Variants in FUT8 observed in about 807,000 individuals in gnomAD.
FUT8 encodes the protein alpha-(1,6)-fucosyltransferase.
A neutral mutation model predicts 71.3 loss-of-function variants in FUT8; 29 were observed. That is an observed-to-expected ratio of 0.41 (90% CI 0.30 to 0.55). The LOEUF is 0.55. Among genes scored for constraint, FUT8 ranks in the 20% least tolerant of loss-of-function variants. FUT8 has a pLI of 0.34. For missense variants in FUT8, 544 were observed against 702.1 expected, an observed-to-expected ratio of 0.77 and a Z score of 2.55; for synonymous variants, 254 against 239.3, an observed-to-expected ratio of 1.06 and a Z score of -0.57.
chr14:65,716,352 C>T (rs1407233536), intron 7 of FUT8, among the ~76,000 whole-genome samples: 4 of 146,296 alleles, frequency 2.7e-5, no homozygotes, highest in African/African-American at 5.0e-5. Flanking sequence ...GAATTGATCC[C>T]TTTATCATTA....
chr14:65,594,702 G>A (rs189120383), intron 3 of FUT8, among the ~76,000 whole-genome samples: 13 of 152,212 alleles, frequency 8.5e-5, no homozygotes, highest in Non-Finnish European at 1.6e-4. Flanking sequence ...AGAGGGGAGC[G>A]AGAAAGGGAG....
chr14:65,387,657 G>A, the FUT8 span, among the ~76,000 whole-genome samples: 30 of 152,298 alleles, frequency 2.0e-4, no homozygotes, highest in Non-Finnish European at 4.1e-4. Flanking sequence ...ATATCTGCCA[G>A]GCTTTGTTGG....
chr14:65,445,871 C>T (rs1294952755), intron 1 of FUT8, among the ~76,000 whole-genome samples: 2 of 152,168 alleles, frequency 1.3e-5, no homozygotes, highest in African/African-American at 2.4e-5. Flanking sequence ...CAGGTGATCC[C>T]CCTGCCTTGG....
chr14:65,564,955 A>C (rs1253986553), intron 3 of FUT8, among the ~76,000 whole-genome samples: 1 of 152,008 alleles, frequency 6.6e-6, no homozygotes, highest in Non-Finnish European at 1.5e-5. Context: ...TTGCTATCAC[A>C]GAATACCTGA....
intron 10 of FUT8, among the ~76,000 whole-genome samples, chr14:65,741,067 T>C (rs1375468010): frequency 6.6e-6 from 1 of 151,974 alleles, no homozygotes; most frequent in East Asian, 1.9e-4. Flanking sequence ...TCATCTGAGT[T>C]GCATTGTTCT....
chr14:65,387,709 A>G, the FUT8 span, among the ~76,000 whole-genome samples: 6 of 152,212 alleles, frequency 3.9e-5, no homozygotes, highest in Non-Finnish European at 8.8e-5. Context: ...CTTTCCAGGC[A>G]GTGAGCTGGG....
the FUT8 span, among the ~76,000 whole-genome samples, chr14:65,383,301 G>C: frequency 3.4e-3 from 293 of 87,452 alleles, 2 homozygotes; most frequent in African/African-American, 0.012. Flanking sequence ...TTGAAACAAA[G>C]TCTTGCTCTG....
chr14:65,431,299 C>CTT (rs138985726), intron 1 of FUT8, among the ~76,000 whole-genome samples: 4 of 98,828 alleles, frequency 4.0e-5, no homozygotes, highest in Non-Finnish European at 5.9e-5. Context: ...CTGCGCCGGC[C>CTT]TTTTTTTTTT....
intron 2 of FUT8, among the ~76,000 whole-genome samples, chr14:65,479,422 G>A (rs1023581782): frequency 6.6e-6 from 1 of 152,116 alleles, no homozygotes; most frequent in Non-Finnish European, 1.5e-5. Context: ...CTAACACTGG[G>A]TATTCTTGAG....
intron 1 of FUT8, among the ~76,000 whole-genome samples, chr14:65,427,070 G>A (rs2065400565): frequency 6.6e-6 from 1 of 152,072 alleles, no homozygotes; most frequent in Non-Finnish European, 1.5e-5. Flanking sequence ...CACCATGTTA[G>A]CCAGGATGAT....
chr14:65,722,912 C>T (rs1038791408), intron 8 of FUT8, among the ~76,000 whole-genome samples: 3 of 152,066 alleles, frequency 2.0e-5, no homozygotes, highest in African/African-American at 4.8e-5. Flanking sequence ...ATAAGTCTAC[C>T]TTTTTCTACA....
At chr14:65,392,131 A>G in the FUT8 span, among the ~76,000 whole-genome samples, 7 of 140,546 alleles carry the variant, frequency 5.0e-5, no homozygotes, top group Non-Finnish European at 1.1e-4. Context: ...GGGGTTTCTC[A>G]ATGTTGGTCA....
the FUT8 span, among the ~76,000 whole-genome samples, chr14:65,402,196 A>ATTTTTT: frequency 2.6e-5 from 2 of 75,830 alleles, no homozygotes; most frequent in African/African-American, 1.0e-4. Flanking sequence ...ATGGAGTGTG[A>ATTTTTT]TTTTTTTTTT....
chr14:65,526,445 C>T (rs1420321959), intron 2 of FUT8, among the ~76,000 whole-genome samples: 2 of 152,140 alleles, frequency 1.3e-5, no homozygotes, highest in African/African-American at 4.8e-5. Context: ...TTATTTTGAG[C>T]CTACGTGTGT....
At chr14:65,439,957 T>C (rs12889436) in intron 1 of FUT8, among the ~76,000 whole-genome samples, 949 of 94,878 alleles carry the variant, frequency 0.01, 26 homozygotes, top group African/African-American at 0.014. Context: ...TGTGTGTGTA[T>C]ATATATATAT....
chr14:65,733,285 G>T lies in FUT8; in HGVS notation c.1314G>T (p.Leu438=). 6.2e-7 allele frequency: 1 copy of T among 1,607,538 alleles called. No individual in the cohort carries two copies. ...ACTCTATTTCCTGGTCAGCTGGACT[G>T]CACAATCGATACACAGAAAATTCAC... ...SDNSISWSAG[L]HNRYTENSLR... is the part of the protein sequence containing the mutation. The change falls in exon 10 of 11, where the codon CTG becomes CTT. Residue 438 remains leucine (L), a synonymous_variant. Transcript: ENST00000673929.
chr14:65,440,216 G>A (rs751299589), intron 1 of FUT8, among the ~76,000 whole-genome samples: 3 of 151,792 alleles, frequency 2.0e-5, no homozygotes, highest in Admixed American at 6.6e-5. Context: ...GGGGAGAAAT[G>A]GGGAGATGTG....
At chr14:65,423,182 C>T (rs1208854268) in intron 1 of FUT8, among the ~76,000 whole-genome samples, 5 of 151,204 alleles carry the variant, frequency 3.3e-5, no homozygotes, top group African/African-American at 9.7e-5. Flanking sequence ...GACGGGGTTT[C>T]ACCATATCGG....
intron 7 of FUT8, among the ~76,000 whole-genome samples, chr14:65,705,077 A>G (rs754541366): frequency 2.0e-5 from 3 of 152,310 alleles, no homozygotes; most frequent in Admixed American, 6.5e-5. Context: ...ATATGATTCA[A>G]TTTAGAACTT....
Sources: allele counts gnomAD v4.1 joint callset (sites outside exome capture counted in the v4.1 genomes callset), GRCh38; gene constraint gnomAD v4.1.1; transcripts MANE v1.5; gene names NCBI Gene and HGNC (gene_info 2026-07-23, HGNC 2026-07-21).